SHB: variants seen among roughly 807,000 people sequenced by gnomAD.
The protein encoded by SHB is SH2 domain containing adaptor protein B.
A neutral mutation model predicts 52.3 loss-of-function variants in SHB; 20 were observed. The observed-to-expected ratio is 0.38, with a 90% CI of 0.27 to 0.56. The LOEUF (loss-of-function observed/expected upper bound fraction) is 0.56. Ranked by LOEUF, SHB falls within the 20% of genes least tolerant of loss-of-function variation. The probability of loss-of-function intolerance (pLI) is 0.71; values close to 1 mark genes in which losing one functional copy is unlikely to be tolerated. For synonymous variants in SHB, 397 were observed against 316.5 expected (o/e 1.25, Z -2.70); for missense variants, 825 against 723.3 (o/e 1.14, Z -1.61).
chr9:37,929,549 A>T (rs550958302), intron 5 of SHB, among the ~76,000 whole-genome samples: 2 of 152,198 alleles, frequency 1.3e-5, no homozygotes, highest in African/African-American at 4.8e-5. Flanking sequence ...TGGGCTGAGC[A>T]CTGAGCTAGG....
intron 5 of SHB, among the ~76,000 whole-genome samples, chr9:37,922,298 C>T (rs972099410): frequency 2.6e-5 from 4 of 152,192 alleles, no homozygotes; most frequent in East Asian, 1.9e-4. Context: ...ATTTGTTCTA[C>T]GGCATCTGGC....
Position 38,015,538 on chromosome 9 carries a change from G to A in SHB, c.838+473C>T, listed in dbSNP as rs1171907496. 21 of 695,074 alleles carry A rather than the reference G, an allele frequency of 3.0e-5. 1 individual carries two copies. Among genetic ancestry groups the A allele is most frequent in the South Asian group, 1.7e-4 (11 of 66,578 alleles). The allele number at this position is 695,074 out of a possible 1,614,324, so 43.1% of individuals were successfully genotyped here. ...TCCAGCTCCAAAACAAAGATTTCTC[G>A]GGATGCGGCCAGAAATAATTTTGTC... On this transcript the variant is annotated intron_variant, in intron 2 of 5. Coordinates refer to ENST00000377707, the MANE Select transcript of SHB (RefSeq NM_003028.3).
chr9:38,012,223 G>A (rs758819625), intron 2 of SHB, among the ~76,000 whole-genome samples: 3 of 152,146 alleles, frequency 2.0e-5, no homozygotes, highest in Non-Finnish European at 4.4e-5. Context: ...CGGCTATGCT[G>A]GGGAATCTGA....
rs560580237 is a variant in SHB, at chr9:37,918,878, G to T, written c.*943C>A. Among the ~76,000 whole-genome samples, 16 of 152,324 alleles carry T rather than the reference G, an allele frequency of 1.1e-4. No individual in the cohort carries two copies. The South Asian group carries it at 3.3e-3, about 32-fold the overall frequency. ...GTCAACACTGGAGGCTCCTGACTAT[G>T]TCCACTGCTGAAGCCTGAACTCTGA... On this transcript the variant is annotated 3_prime_UTR_variant, in exon 6 of 6. Coordinates refer to ENST00000377707, the MANE Select transcript of SHB (RefSeq NM_003028.3).
In SHB at chr9:38,034,134, T is replaced by G. The variant is rs139695831; in HGVS notation, c.718-18003A>C. Among the ~76,000 whole-genome samples, 3 of 152,322 alleles carry G rather than the reference T, an allele frequency of 2.0e-5. No homozygotes were observed. The East Asian group carries it at 5.8e-4, about 29-fold the overall frequency. On this transcript the variant is annotated intron_variant, in intron 1 of 5. Transcript: ENST00000377707. Reference sequence around the variant, plus strand: ...ATCTGCCTGGTGAGGGAGTTCAATGTGCACCTCTCACCCTGCGGGCAAGCC... The same window carrying G: ...ATCTGCCTGGTGAGGGAGTTCAATGGGCACCTCTCACCCTGCGGGCAAGCC...
rs182956541 is a variant in SHB, at chr9:37,946,964, C to T, written c.1346+1671G>A. Among the ~76,000 whole-genome samples, 10 of 152,316 alleles carry T rather than the reference C, an allele frequency of 6.6e-5. No individual in the cohort carries two copies. The East Asian group carries it at 1.5e-3, about 23-fold the overall frequency. On this transcript the variant is annotated intron_variant, in intron 5 of 5. Coordinates refer to ENST00000377707, the MANE Select transcript of SHB (RefSeq NM_003028.3). ...CTTTACCTCTCACAGCCCAGAAGAG[C>T]ACCATTCACCTTGATGGCCCCATCA...
intron 5 of SHB, among the ~76,000 whole-genome samples, chr9:37,932,485 G>A (rs1230256653): frequency 2.7e-5 from 4 of 147,150 alleles, no homozygotes; most frequent in South Asian, 2.1e-4. Flanking sequence ...TGCACAACAC[G>A]AGGACCACAG....
chr9:37,985,867 G>A (rs1820800706), intron 2 of SHB, among the ~76,000 whole-genome samples: 1 of 146,948 alleles, frequency 6.8e-6, no homozygotes, highest in Non-Finnish European at 1.5e-5. Flanking sequence ...GCGCCTGCCT[G>A]CGCCAGGCAC....
intron 2 of SHB, among the ~76,000 whole-genome samples, chr9:37,999,454 A>C (rs918589380): frequency 2.0e-5 from 3 of 152,198 alleles, no homozygotes; most frequent in Non-Finnish European, 4.4e-5. Context: ...AATACACTAA[A>C]AAAAATTATT....
intron 1 of SHB, among the ~76,000 whole-genome samples, chr9:38,038,951 G>A (rs1303036207): frequency 6.6e-6 from 1 of 152,232 alleles, no homozygotes; most frequent in African/African-American, 2.4e-5. Context: ...GGAGCCCGAG[G>A]AAGTGAGGAG....
intron 2 of SHB, among the ~76,000 whole-genome samples, chr9:38,002,335 TG>T (rs1165178689): frequency 6.6e-6 from 1 of 152,192 alleles, no homozygotes; most frequent in East Asian, 1.9e-4. Flanking sequence ...ATACGTGTCC[TG>T]AAACAAAGAA....
intron 2 of SHB, among the ~76,000 whole-genome samples, chr9:37,990,339 T>C (rs1445291958): frequency 2.0e-5 from 3 of 152,166 alleles, no homozygotes; most frequent in Non-Finnish European, 4.4e-5. Flanking sequence ...GCTTCTACCA[T>C]TTTCTAGCCC....
At chr9:37,938,605 G>A (rs545741617) in intron 5 of SHB, among the ~76,000 whole-genome samples, 6 of 152,322 alleles carry the variant, frequency 3.9e-5, no homozygotes, top group Admixed American at 2.6e-4. Flanking sequence ...CCCTGGTGGC[G>A]GAGCCGCACA....
At chr9:37,970,059 G>A (rs1820573522) in intron 3 of SHB, among the ~76,000 whole-genome samples, 1 of 152,242 alleles carries the variant, frequency 6.6e-6, no homozygotes, top group Non-Finnish European at 1.5e-5. Context: ...ACAGCTTGAT[G>A]GAAGCCACAT....
rs1413094036 is a variant in SHB at position 37,939,175 on chromosome 9, C to T, written c.1346+9460G>A. ...AGGTATGTAGGCCGCCTGCCACTGG[C>T]CCCTCTGAATTGGCCTTGGCCTCCT... On this transcript the variant is annotated intron_variant, in intron 5 of 5. Coordinates refer to ENST00000377707, the MANE Select transcript of SHB (RefSeq NM_003028.3). Among the ~76,000 whole-genome samples the T allele has an allele frequency of 3.3e-5, 5 of 152,240 alleles. No individual in the cohort carries two copies. The East Asian group carries it at 7.7e-4, about 23-fold the overall frequency.
rs1821007724 is a variant in SHB at position 38,001,082 on chromosome 9, T to C, written c.838+14929A>G. On this transcript the variant is annotated intron_variant, in intron 2 of 5. Transcript: ENST00000377707. Reference sequence around the variant, plus strand: ...CTTCCTTTTTTCTTTATTTTAAGCATCAGGGAAAAGTTAATTCTTTTTTTC... The same window carrying C: ...CTTCCTTTTTTCTTTATTTTAAGCACCAGGGAAAAGTTAATTCTTTTTTTC... Among the ~76,000 whole-genome samples the C allele has an allele frequency of 2.6e-5, 4 of 152,226 alleles. No homozygotes were observed. In the South Asian group the frequency reaches 8.3e-4, roughly 32 times the overall value.
intron 3 of SHB, among the ~76,000 whole-genome samples, chr9:37,974,020 C>T (rs937752150): frequency 5.9e-5 from 9 of 152,242 alleles, no homozygotes; most frequent in Middle Eastern, 3.4e-3. Flanking sequence ...TTTGGGAGGC[C>T]GAGGTGGGCG....
chr9:37,959,181 A>G (rs1425708821), intron 3 of SHB, among the ~76,000 whole-genome samples: 2 of 152,088 alleles, frequency 1.3e-5, no homozygotes, highest in Admixed American at 6.5e-5. Flanking sequence ...AAGCTTGACT[A>G]CTTGTGGGAG....
intron 2 of SHB, among the ~76,000 whole-genome samples, chr9:38,003,334 T>C (rs948246468): frequency 2.0e-5 from 3 of 151,978 alleles, no homozygotes; most frequent in Non-Finnish European, 2.9e-5. Flanking sequence ...AACTCCACCC[T>C]TGAACCCTGG....
Sources: gnomAD v4.1 joint callset for allele counts (sites outside exome capture counted in the v4.1 genomes callset) on GRCh38, gnomAD v4.1.1 for gene constraint, MANE v1.5 for transcripts, NCBI Gene and HGNC (gene_info 2026-07-23, HGNC 2026-07-21) for gene names.